The following ADGRE1 variants were observed in gnomAD, a reference collection of about 807,000 sequenced individuals.
The protein encoded by ADGRE1 is EGF-like module receptor 1.
ADGRE1 carries 82 observed loss-of-function variants against 102.7 expected under a neutral mutation model. The observed-to-expected ratio is 0.80, with a 90% CI of 0.67 to 0.96. The LOEUF (loss-of-function observed/expected upper bound fraction) is 0.96, where lower values mean the gene tolerates loss of function less well. ADGRE1 is among the 40% of genes least tolerant of loss of function. The probability of loss-of-function intolerance (pLI) is 0.00; values close to 1 mark genes in which losing one functional copy is unlikely to be tolerated. For missense variants in ADGRE1, 1,032 were observed against 1,085.3 expected (o/e 0.95, Z 0.69); for synonymous variants, 398 against 399.6 (o/e 1.00, Z 0.05).
intron 10 of ADGRE1, among the ~76,000 whole-genome samples, chr19:6,911,831 T>TAC (rs60293701): frequency 4.0e-5 from 6 of 148,494 alleles, no homozygotes; most frequent in Non-Finnish European, 5.9e-5. Context: ...TACAAATGCA[T>TAC]ACACACACAC....
At chr19:6,892,254 C>T (rs146789534) in intron 2 of ADGRE1, among the ~76,000 whole-genome samples, 7 of 152,262 alleles carry the variant, frequency 4.6e-5, no homozygotes, top group African/African-American at 1.7e-4. Context: ...GAGCAAAGAA[C>T]GTAGATCTCA....
rs563247292 is a variant in ADGRE1, at chr19:6,903,880, C to T, written c.732C>T (p.Cys244=). ...CCAACACTCCTGGGAGCTACTTTTG[C>T]ACCTGCCACCCTGGCTTTGCACCAA... is the stretch of plus-strand genomic sequence containing the variant. ...TCTNTPGSYF[C]TCHPGFAPSN... is the part of the protein sequence containing the mutation. Residue 244 remains cysteine (C), a synonymous_variant, in exon 7 of 21, where the codon TGC becomes TGT. Coordinates refer to ENST00000312053, the MANE Select transcript of ADGRE1 (RefSeq NM_001974.5). 7.4e-6 allele frequency: 12 copies of T among 1,614,200 alleles called. No individual in the cohort carries two copies. The South Asian group carries it at 1.1e-4, about 15-fold the overall frequency.
At chr19:6,935,774 T>C (rs1477480461) in intron 18 of ADGRE1, among the ~76,000 whole-genome samples, 1 of 152,242 alleles carries the variant, frequency 6.6e-6, no homozygotes, top group Non-Finnish European at 1.5e-5. Flanking sequence ...GTAATGCTTT[T>C]AGAATGTGCG....
At position 6,926,518 on chromosome 19, in the gene ADGRE1, C is replaced by T. The variant is rs138224781; in HGVS notation, c.2139C>T (p.Ile713=). 2.6e-5 allele frequency: 42 copies of T among 1,614,254 alleles called. No individual in the cohort carries two copies. The African/African-American group carries it at 4.7e-4, about 18-fold the overall frequency. Residue 713 remains isoleucine, a synonymous_variant, in exon 16 of 21, where the codon ATC becomes ATT. Coordinates refer to ENST00000312053, the MANE Select transcript of ADGRE1 (RefSeq NM_001974.5). The part of the protein sequence containing the change: ...FSSRNIKMLH[I]CAFGYGLPML... ...CTCGCAACATCAAGATGCTGCACAT[C>T]TGTGCCTTTGGTTATGGGCTGCCGA...
At chr19:6,913,067 T>C (rs932037968) in intron 10 of ADGRE1, among the ~76,000 whole-genome samples, 1 of 152,224 alleles carries the variant, frequency 6.6e-6, no homozygotes, top group African/African-American at 2.4e-5. Flanking sequence ...CCTGAGTCGC[T>C]GGGACTAGCG....
chr19:6,895,565 A>G (rs1973518680), intron 2 of ADGRE1: 1 of 152,208 alleles, frequency 6.6e-6, no homozygotes, highest in Non-Finnish European at 1.5e-5. Flanking sequence ...CTTGTTAGAA[A>G]TGCAAAATCC....
intron 18 of ADGRE1, among the ~76,000 whole-genome samples, chr19:6,935,591 T>C (rs780185708): frequency 4.6e-5 from 7 of 152,194 alleles, no homozygotes. Context: ...AGTCATACCA[T>C]ATTCATGGAC....
At position 6,939,834 on chromosome 19, in the gene ADGRE1, G is replaced by A. The variant is rs577424062; in HGVS notation, c.2656-190G>A. ...GGGCGCTGTCAATGCTGAGGAGGTT[G>A]AGAATGGCTTTTGGGTTTTCCAACT... On this transcript the variant is annotated intron_variant, in intron 20 of 20. Transcript: ENST00000312053. 4.6e-5 allele frequency among the ~76,000 whole-genome samples: 7 copies of A among 152,298 alleles called. No individual in the cohort carries two copies. The South Asian group carries it at 1.4e-3, about 32-fold the overall frequency.
chr19:6,898,569 C>G, intron 5 of ADGRE1: 1 of 1,494,934 alleles, frequency 6.7e-7, no homozygotes, highest in Non-Finnish European at 9.2e-7. Context: ...TGCTCACCCT[C>G]TTTCACTGCT....
At chr19:6,899,405 G>A (rs565201273) in intron 5 of ADGRE1, among the ~76,000 whole-genome samples, 83 of 152,306 alleles carry the variant, frequency 5.4e-4, no homozygotes, top group African/African-American at 1.9e-3. Context: ...TGGGCTGGGC[G>A]CGGTGGCTCA....
At chr19:6,888,169 C>A (rs1003214846) in intron 1 of ADGRE1, among the ~76,000 whole-genome samples, 1 of 152,188 alleles carries the variant, frequency 6.6e-6, no homozygotes, top group South Asian at 2.1e-4. Flanking sequence ...GGATTTCAAG[C>A]CAGACAGTCT....
At chr19:6,898,174 T>G in intron 5 of ADGRE1, 1 of 731,176 alleles carries the variant, frequency 1.4e-6, no homozygotes, top group Non-Finnish European at 2.2e-6. Context: ...GGACGTACCT[T>G]CCATTGCTTG....
At chr19:6,934,779 T>G (rs1975322191) in intron 17 of ADGRE1, among the ~76,000 whole-genome samples, 1 of 151,076 alleles carries the variant, frequency 6.6e-6, no homozygotes, top group Non-Finnish European at 1.5e-5. Context: ...TTTTTTTTTT[T>G]TGTATTTTAG....
At chr19:6,922,056 G>A (rs1201563949) in intron 14 of ADGRE1, among the ~76,000 whole-genome samples, 173 bp downstream of exon 14, 1 of 152,162 alleles carries the variant, frequency 6.6e-6, no homozygotes, top group African/African-American at 2.4e-5. Context: ...TTTACAGTCT[G>A]GTTGGGAGGC....
chr19:6,925,211 T>C (rs1453433417), intron 15 of ADGRE1, among the ~76,000 whole-genome samples: 1 of 152,162 alleles, frequency 6.6e-6, no homozygotes, highest in African/African-American at 2.4e-5. Context: ...AACCCCTGCC[T>C]CTTGGTTCAA....
chr19:6,940,002 G>A (rs563968865), intron 20 of ADGRE1, 22 bp from the exon 21 acceptor site: 1 of 1,613,818 alleles, frequency 6.2e-7, no homozygotes, highest in East Asian at 2.2e-5. Flanking sequence ...AGACTCTGAG[G>A]AAATTCTTTT....
chr19:6,923,609 C>A (rs1974763470), intron 14 of ADGRE1, among the ~76,000 whole-genome samples: 1 of 152,140 alleles, frequency 6.6e-6, no homozygotes, highest in Non-Finnish European at 1.5e-5. Flanking sequence ...CAGCTCACTG[C>A]AACCTCTGCC....
intron 2 of ADGRE1, among the ~76,000 whole-genome samples, chr19:6,894,251 A>G (rs1003440384): frequency 6.6e-6 from 1 of 152,202 alleles, no homozygotes; most frequent in Non-Finnish European, 1.5e-5. Context: ...CAAGGATGAC[A>G]GCAGCAAGTG....
intron 17 of ADGRE1, among the ~76,000 whole-genome samples, chr19:6,930,747 C>T (rs943639345): frequency 6.6e-6 from 1 of 152,172 alleles, no homozygotes; most frequent in Non-Finnish European, 1.5e-5. Context: ...AAGCGATTCT[C>T]CTGCCTCAGC....
Sources: gnomAD v4.1 joint callset for allele counts (sites outside exome capture counted in the v4.1 genomes callset) on GRCh38, gnomAD v4.1.1 for gene constraint, MANE v1.5 for transcripts, NCBI Gene and HGNC (gene_info 2026-07-23, HGNC 2026-07-21) for gene names.